Variants in NEB observed in about 807,000 individuals in gnomAD.
The protein encoded by NEB is nemaline myopathy type 2.
NEB carries 512 observed loss-of-function variants against 952.2 expected under a neutral mutation model. That is an observed-to-expected ratio of 0.54 (90% CI 0.50 to 0.58). The LOEUF (loss-of-function observed/expected upper bound fraction) is 0.58. Ranked by LOEUF, NEB falls within the 20% of genes least tolerant of loss-of-function variation. The probability of loss-of-function intolerance (pLI) is 0.00; values close to 1 mark genes in which losing one functional copy is unlikely to be tolerated. For synonymous variants in NEB, 2,900 were observed against 3,149.8 expected (o/e 0.92, Z 2.66); for missense variants, 8,428 against 9,231.1 (o/e 0.91, Z 3.56).
chr2:151,516,474 C>T lies in NEB; in HGVS notation c.22890G>A (p.Gln7630=), dbSNP rs765598242. 53 of 1,611,760 alleles carry T rather than the reference C, an allele frequency of 3.3e-5. No individual in the cohort carries two copies. The highest frequency in any genetic ancestry group is 4.3e-5 in the Non-Finnish European group (51 of 1,178,228). Residue 7630 remains glutamine, a synonymous_variant, in exon 157 of 182, where the codon CAG becomes CAA. Transcript: ENST00000397345. ...TTTGACTTACCCCACTCTGCATCTG[C>T]TGAGACTCTTTGGCAGTGATGTACG... is the stretch of plus-strand genomic sequence containing the variant. ...TPTYITAKES[Q]QMQSGKEYRK...
At chr2:151,681,556 C>A (rs960624454) in intron 29 of NEB, among the ~76,000 whole-genome samples, 1 of 152,176 alleles carries the variant, frequency 6.6e-6, no homozygotes, top group Non-Finnish European at 1.5e-5. Flanking sequence ...AAACCACTAA[C>A]CCAGAACTTT....
Position 151,548,346 on chromosome 2 carries a change from A to G in NEB, c.20119T>C (p.Phe6707Leu). Reference sequence around the variant, plus strand: ...TTGTTGACTCTCCGGACGTGGACAAATGGAACATCTTTGGGGCCAAGTGTA... The same window carrying G: ...TTGTTGACTCTCCGGACGTGGACAAGTGGAACATCTTTGGGGCCAAGTGTA... ...GYTLGPKDVP[F>L]VHVRRVNNVT... Residue 6707 changes from phenylalanine to leucine, a missense_variant, in exon 131 of 182, where the codon TTT (phenylalanine) becomes CTT (leucine). Transcript: ENST00000397345. 6.2e-7 allele frequency: 1 copy of G among 1,613,772 alleles called. No individual in the cohort carries two copies. Among genetic ancestry groups the G allele is most frequent in the South Asian group, 1.1e-5 (1 of 91,070 alleles).
intron 50 of NEB, among the ~76,000 whole-genome samples, 163 bp from the exon 51 acceptor site, chr2:151,655,537 T>TA (rs150244233): frequency 1.4e-4 from 21 of 150,526 alleles, no homozygotes; most frequent in Admixed American, 4.6e-4. Flanking sequence ...AACTCAGATT[T>TA]AAAAAAAAAA....
rs2153617842 is a variant in NEB at position 151,547,675 on chromosome 2, CAG to C, written c.20219_20220del (p.Pro6740ArgfsTer14). 6.2e-7 allele frequency: 1 copy of C among 1,613,838 alleles called. No individual in the cohort carries two copies. Among genetic ancestry groups the C allele is most frequent in the East Asian group, 2.2e-5 (1 of 44,838 alleles). On this transcript the variant is annotated frameshift_variant, in exon 132 of 182. Coordinates refer to ENST00000397345, the MANE Select transcript of NEB (RefSeq NM_001164508.2). LOFTEE classifies it high-confidence loss of function. ...KDKIHTTPDT[P>X]EIRQVKKTQE... ...TGTGTCTTCTTGACTTGGCGGATCT[CAG>C]GGGTATCGGGAGTTGTATGGATCTT...
At position 151,646,121 on chromosome 2, in the gene NEB, A is replaced by G. The variant is rs780537168; in HGVS notation, c.7536+9T>C. 11 of 1,555,188 alleles carry G rather than the reference A, an allele frequency of 7.1e-6. No homozygotes were observed. The South Asian group carries it at 1.3e-4, about 19-fold the overall frequency. On this transcript the variant is annotated intron_variant, in intron 55 of 181. Coordinates refer to ENST00000397345, the MANE Select transcript of NEB (RefSeq NM_001164508.2). ...TTTCTGAAAACACATGCTGAATTTG[A>G]AAACTTACATCACTTGTGTTGATTA...
At chr2:151,621,073 C>A in intron 71 of NEB, 47 bp from the exon 72 acceptor site, 1 of 1,455,392 alleles carries the variant, frequency 6.9e-7, no homozygotes, top group South Asian at 1.2e-5. Context: ...CACATTCACT[C>A]GAAAAGTATA....
At position 151,664,545 on chromosome 2, in the gene NEB, T is replaced by C. The variant is rs1261760596; in HGVS notation, c.5407A>G (p.Ile1803Val). 4.4e-6 allele frequency: 7 copies of C among 1,607,702 alleles called. No homozygotes were observed. The highest frequency in any genetic ancestry group is 1.7e-5 in the Admixed American group (1 of 59,260). The change falls in exon 44 of 182, where the codon ATT becomes GTT. Residue 1803 changes from isoleucine (I) to valine (V), a missense_variant. Around this residue, in one of 11 missense-constraint regions of NEB, gnomAD observed 2,851 missense variants for 2,791.5 expected, o/e 1.02. Transcript: ENST00000397345. The part of the protein sequence containing the change: ...KKGYDLRPDA[I>V]AIKAARASRD... ...GAGGCTCTTGCAGCCTTTATTGCAA[T>C]GGCATCAGGCCTCAGGTCATATCCT... is the stretch of plus-strand genomic sequence containing the variant.
chr2:151,492,563 A>C (rs763649616), intron 176 of NEB, 69 bp from the exon 177 acceptor site: 532 of 1,143,782 alleles, frequency 4.7e-4, no homozygotes, highest in Non-Finnish European at 6.6e-4. Context: ...TTTCCAGCAG[A>C]TAGAGATGGA....
At chr2:151,538,284 C>G (rs772712035) in intron 138 of NEB, 40 bp from the exon 139 acceptor site, 1 of 1,427,698 alleles carries the variant, frequency 7.0e-7, no homozygotes, top group South Asian at 1.2e-5. Flanking sequence ...AAAAAACTAC[C>G]AAGTTAAATA....
chr2:151,497,946 T>C, intron 170 of NEB: 5 of 1,444,698 alleles, frequency 3.5e-6, no homozygotes, highest in Non-Finnish European at 4.5e-6. Context: ...TTATCCATGT[T>C]ATTTTTTTTC....
chr2:151,573,695 T>C (rs1193246359), intron 107 of NEB, among the ~76,000 whole-genome samples: 2 of 152,222 alleles, frequency 1.3e-5, no homozygotes, highest in Non-Finnish European at 2.9e-5. Flanking sequence ...ATGCAAAGTT[T>C]CAAGCCTTGG....
At chr2:151,493,299 T>C in intron 176 of NEB, 54 bp downstream of exon 176, 3 of 1,364,006 alleles carry the variant, frequency 2.2e-6, no homozygotes, top group Middle Eastern at 1.8e-4. Flanking sequence ...TTTATGATGT[T>C]AAAATGTTAT....
intron 13 of NEB, among the ~76,000 whole-genome samples, chr2:151,704,726 A>G (rs531581372): frequency 1.3e-5 from 2 of 152,306 alleles, no homozygotes; most frequent in African/African-American, 2.4e-5. Context: ...GCTCACGCAC[A>G]GTGCGAGCAC....
chr2:151,538,953 A>G (rs2093659542), intron 138 of NEB, among the ~76,000 whole-genome samples: 2 of 152,200 alleles, frequency 1.3e-5, no homozygotes, highest in South Asian at 2.1e-4. Flanking sequence ...ACAGTGAAAG[A>G]TGTCTTTTCT....
chr2:151,732,767 G>A (rs1017608114), intron 3 of NEB, among the ~76,000 whole-genome samples: 4 of 152,168 alleles, frequency 2.6e-5, no homozygotes, highest in African/African-American at 7.2e-5. Flanking sequence ...CTAAGAGACA[G>A]AGTTCCATTT....
At chr2:151,507,130 C>G (rs1355327196) in intron 162 of NEB, 117 bp from the exon 163 acceptor site, 1 of 653,638 alleles carries the variant, frequency 1.5e-6, no homozygotes, top group Non-Finnish European at 2.6e-6. Context: ...AGTCTATGCA[C>G]AATAATTATG....
chr2:151,547,115 C>T (rs1020259707), intron 133 of NEB, among the ~76,000 whole-genome samples: 5 of 151,956 alleles, frequency 3.3e-5, no homozygotes, highest in Non-Finnish European at 5.9e-5. Flanking sequence ...CTCAACATGA[C>T]CTGGGATGGA....
At position 151,578,119 on chromosome 2, in the gene NEB, A is replaced by C. The variant is rs564222446; in HGVS notation, c.16704+1219T>G. On this transcript the variant is annotated intron_variant, in intron 105 of 181. Transcript: ENST00000397345. ...TATAAAAAAGTACCTCTGGAAGCTT[A>C]AGGGAACCAAGGTCAGATAATTTTT... 1.8e-4 allele frequency among the ~76,000 whole-genome samples: 27 copies of C among 152,360 alleles called. No homozygotes were observed. The South Asian group carries it at 5.4e-3, about 30-fold the overall frequency.
At chr2:151,530,755 C>T in intron 145 of NEB, 1 of 377,344 alleles carries the variant, frequency 2.7e-6, no homozygotes. Context: ...TGGGAGTGAG[C>T]CACCTGGATG....
Sources: allele counts gnomAD v4.1 joint callset (sites outside exome capture counted in the v4.1 genomes callset), GRCh38; gene constraint gnomAD v4.1.1; regional missense constraint gnomAD v4.1.1; transcripts MANE v1.5; gene names NCBI Gene and HGNC (gene_info 2026-07-23, HGNC 2026-07-21).